The following TMEM52B variants were observed in gnomAD, a reference collection of about 807,000 sequenced individuals.
The protein encoded by TMEM52B is chromosome 12 open reading frame 59.
Under a neutral mutation model 16.1 loss-of-function variants are expected in TMEM52B, and 11 were observed. The observed-to-expected ratio is 0.68, with a 90% confidence interval of 0.43 to 1.13. TMEM52B has a LOEUF of 1.13. Among genes scored for constraint, TMEM52B ranks in the 50% most tolerant of loss-of-function variants. TMEM52B has a pLI of 0.00. For synonymous variants in TMEM52B, 101 were observed against 93.8 expected, an observed-to-expected ratio of 1.08 and a Z score of -0.45; for missense variants, 243 against 230.4, an observed-to-expected ratio of 1.05 and a Z score of -0.35.
chr12:10,176,120 A>T (rs1948763864), upstream of TMEM52B, among the ~76,000 whole-genome samples: 1 of 152,154 alleles, frequency 6.6e-6, no homozygotes, highest in African/African-American at 2.4e-5. Flanking sequence ...TATCCCAGCT[A>T]CCTGCCCTTC....
chr12:10,179,232 G>A lies in TMEM52B; in HGVS notation c.-343G>A, dbSNP rs1403574340. The A allele has an allele frequency of 1.1e-5, 3 of 281,610 alleles. No individual in the cohort carries two copies. The East Asian group carries it at 2.0e-4, about 19-fold the overall frequency. The allele number at this position is 281,610 out of a possible 1,614,324, so 17.4% of individuals were successfully genotyped here. On this transcript the variant is annotated 5_prime_UTR_variant, in exon 1 of 5. An upstream start codon of the reference 5' UTR is lost. Transcript: ENST00000543484. ...GAGGACACATATGTCCTCTTTGAAT[G>A]TCTCCTTTTTGGGAGCAGTAGGAGA...
rs10546349 is a variant in TMEM52B at position 10,179,214 on chromosome 12, CAT to C, written c.-358_-357del. The C allele has an allele frequency of 0.022, 5,726 of 257,322 alleles. 276 individuals carry two copies. Among genetic ancestry groups the C allele is most frequent in the African/African-American group, 0.11 (5,044 of 45,924 alleles). The allele number at this position is 257,322 out of a possible 1,614,324, so 15.9% of individuals were successfully genotyped here. On this transcript the variant is annotated 5_prime_UTR_variant, in exon 1 of 5. The change creates a new upstream start codon in the 5' untranslated region. Coordinates refer to ENST00000543484, the MANE Select transcript of TMEM52B (RefSeq NM_001384896.1). ...AGAAAAATACTTCATTCAGAGGACA[CAT>C]ATGTCCTCTTTGAATGTCTCCTTTT...
At chr12:10,188,971 C>G (rs1378228966) in intron 4 of TMEM52B, among the ~76,000 whole-genome samples, 1 of 135,956 alleles carries the variant, frequency 7.4e-6, no homozygotes, top group Non-Finnish European at 1.5e-5. Context: ...GAGCCGAGAT[C>G]GCGCCACTGC....
Position 10,186,543 on chromosome 12 carries a change from C to T in TMEM52B, c.261C>T (p.Thr87=), listed in dbSNP as rs149948346. 8 of 1,607,916 alleles carry T rather than the reference C, an allele frequency of 5.0e-6. No homozygotes were observed. The highest frequency in any genetic ancestry group is 1.3e-5 in the African/African-American group (1 of 74,852). ...GGGGCCCACCACCCTGTGAAGTGACCGTCATTGCTTTCGATCACGACAGCA... is the reference window on the plus strand; with the variant it reads ...GGGGCCCACCACCCTGTGAAGTGACTGTCATTGCTTTCGATCACGACAGCA... ...EDGGPPPCEV[T]VIAFDHDSTL... Residue 87 remains threonine, a synonymous_variant, in exon 4 of 5, where the codon ACC becomes ACT. Coordinates refer to ENST00000543484, the MANE Select transcript of TMEM52B (RefSeq NM_001384896.1).
chr12:10,184,347 C>A (rs568335103), intron 2 of TMEM52B, among the ~76,000 whole-genome samples: 12 of 152,296 alleles, frequency 7.9e-5, no homozygotes, highest in Non-Finnish European at 1.6e-4. Flanking sequence ...AACGCAACCT[C>A]AAGAGGGAGT....
At chr12:10,182,091 A>G (rs185609396) in intron 1 of TMEM52B, 2 of 983,204 alleles carry the variant, frequency 2.0e-6, no homozygotes, top group East Asian at 1.1e-4. Flanking sequence ...TAGCTATTCG[A>G]TAAATAAGAC....
upstream of TMEM52B, among the ~76,000 whole-genome samples, chr12:10,176,551 T>C (rs897400748): frequency 6.6e-6 from 1 of 152,060 alleles, no homozygotes. Flanking sequence ...ATTCAAGAAT[T>C]AGAATATCAG....
At chr12:10,188,547 A>AGG in intron 4 of TMEM52B, among the ~76,000 whole-genome samples, 25 of 62,678 alleles carry the variant, frequency 4.0e-4, no homozygotes, top group Admixed American at 1.6e-3. Context: ...GAAAAGAAGA[A>AGG]AAAGAAAAAG....
At position 10,186,538 on chromosome 12, in the gene TMEM52B, G is replaced by A; in HGVS notation, c.256G>A (p.Val86Met). Reference protein sequence around the residue: ...GEDGGPPPCEVTVIAFDHDST... With the variant: ...GEDGGPPPCEMTVIAFDHDST... Reference sequence around the variant, plus strand: ...AGATGGGGGCCCACCACCCTGTGAAGTGACCGTCATTGCTTTCGATCACGA... The same window carrying A: ...AGATGGGGGCCCACCACCCTGTGAAATGACCGTCATTGCTTTCGATCACGA... The change falls in exon 4 of 5, where the codon GTG (valine) becomes ATG (methionine). Residue 86 changes from valine (V) to methionine (M), a missense_variant. Coordinates refer to ENST00000543484, the MANE Select transcript of TMEM52B (RefSeq NM_001384896.1). 6.2e-7 allele frequency: 1 copy of A among 1,609,098 alleles called. No individual in the cohort carries two copies. The highest frequency in any genetic ancestry group is 8.5e-7 in the Non-Finnish European group (1 of 1,176,188).
chr12:10,189,642 AG>A (rs1263038983), intron 4 of TMEM52B, among the ~76,000 whole-genome samples: 23,796 of 134,986 alleles, frequency 0.18, 2,225 homozygotes, highest in South Asian at 0.22. Flanking sequence ...AAAAAAAAAA[AG>A]AGAGAGAGAG....
chr12:10,171,883 A>G, intron 1 of TMEM52B: 1 of 673,240 alleles, frequency 1.5e-6, no homozygotes, highest in South Asian at 1.9e-5. Flanking sequence ...AGTAAATGGT[A>G]TTAATTCTAT....
intron 3 of TMEM52B, 51 bp downstream of exon 3, chr12:10,185,419 TA>T: frequency 7.2e-7 from 1 of 1,396,004 alleles, no homozygotes; most frequent in Non-Finnish European, 1.0e-6. Flanking sequence ...TCAAGGCCAT[TA>T]AAAATGACAA....
chr12:10,178,383 C>T (rs565875308), upstream of TMEM52B, among the ~76,000 whole-genome samples: 3 of 151,722 alleles, frequency 2.0e-5, no homozygotes, highest in South Asian at 2.1e-4. Flanking sequence ...CTTAGCCGGG[C>T]GTGGTGGTGG....
Position 10,183,477 on chromosome 12 carries a change from C to G in TMEM52B, c.98+884C>G, listed in dbSNP as rs144313417. ...TTGTTCAGTGAAAAACAAAACAAAA[C>G]TATATTTTCTATAAATGTGTGACCA... On this transcript the variant is annotated intron_variant, in intron 2 of 4. Coordinates refer to ENST00000543484, the MANE Select transcript of TMEM52B (RefSeq NM_001384896.1). 9.9e-5 allele frequency among the ~76,000 whole-genome samples: 15 copies of G among 151,648 alleles called. No homozygotes were observed. The East Asian group carries it at 2.9e-3, about 29-fold the overall frequency.
intron 4 of TMEM52B, among the ~76,000 whole-genome samples, chr12:10,189,501 G>A (rs1047150968): frequency 6.6e-5 from 10 of 151,758 alleles, no homozygotes; most frequent in Non-Finnish European, 1.3e-4. Flanking sequence ...GCGGGCGCCT[G>A]TAATCCCAGC....
In TMEM52B at chr12:10,190,250, T is replaced by C; in HGVS notation, c.*110T>C. Reference sequence around the variant, plus strand: ...AGTTTTAAGATGGCATCTAACACCATCATTCTATGGGAAAGATGGTTCTTA... The same window carrying C: ...AGTTTTAAGATGGCATCTAACACCACCATTCTATGGGAAAGATGGTTCTTA... On this transcript the variant is annotated 3_prime_UTR_variant, in exon 5 of 5. Coordinates refer to ENST00000543484, the MANE Select transcript of TMEM52B (RefSeq NM_001384896.1). 2 of 1,357,862 alleles carry C rather than the reference T, an allele frequency of 1.5e-6. No individual in the cohort carries two copies. Among genetic ancestry groups the C allele is most frequent in the East Asian group, 2.3e-5 (1 of 43,358 alleles). The allele number at this position is 1,357,862 out of a possible 1,614,324, so 84.1% of individuals were successfully genotyped here. A position where few individuals can be genotyped will look rare whatever the true frequency, so the allele number is the denominator to read the frequency against.
At chr12:10,173,199 C>G (rs1161773396) in intron 1 of TMEM52B, among the ~76,000 whole-genome samples, 2 of 152,092 alleles carry the variant, frequency 1.3e-5, no homozygotes, top group Non-Finnish European at 2.9e-5. Flanking sequence ...TCTATTTTCC[C>G]TTGACAACCT....
In TMEM52B at chr12:10,186,579, C is replaced by T. The variant is rs4764308; in HGVS notation, c.297C>T (p.Ser99=). The T allele has an allele frequency of 0.044, 69,217 of 1,589,130 alleles. 1,799 individuals are homozygous for T. Among genetic ancestry groups the T allele is most frequent in the Non-Finnish European group, 0.053 (61,963 of 1,162,852 alleles). Residue 99 remains serine (S), a synonymous_variant, in exon 4 of 5, where the codon AGC becomes AGT. Transcript: ENST00000543484. ...TCGATCACGACAGCACTCTCCAGAG[C>T]ACTATCACATGTGAGTACACTGAAC... ...IAFDHDSTLQ[S]TITSLQSVFG...
At chr12:10,173,939 AC>A (rs2137533505) in intron 1 of TMEM52B, among the ~76,000 whole-genome samples, 1 of 152,284 alleles carries the variant, frequency 6.6e-6, no homozygotes, top group East Asian at 1.9e-4. Context: ...AAGTACATTT[AC>A]ATTGTTGTGC....
Sources: allele counts gnomAD v4.1 joint callset (sites outside exome capture counted in the v4.1 genomes callset), GRCh38; gene constraint gnomAD v4.1.1; transcripts MANE v1.5; gene names NCBI Gene and HGNC (gene_info 2026-07-23, HGNC 2026-07-21).